The following MATN1 variants were observed in gnomAD, a reference collection of about 807,000 sequenced individuals.
MATN1 encodes matrilin-1.
In MATN1, 34 loss-of-function variants were observed where a neutral mutation model predicts 41.3. The observed-to-expected ratio is 0.82, with a 90% CI of 0.63 to 1.10. MATN1 has a LOEUF of 1.10. Among genes scored for constraint, MATN1 ranks in the 50% least tolerant of loss-of-function variants. The pLI, the probability that MATN1 is intolerant of heterozygous loss-of-function variation, is 0.00. For missense variants in MATN1, 602 were observed against 662.4 expected (o/e 0.91, Z 1.00); for synonymous variants, 264 against 278.7 (o/e 0.95, Z 0.53).
intron 6 of MATN1, 39 bp downstream of exon 6, chr1:30,715,118 C>T (rs1639598537): frequency 6.2e-7 from 1 of 1,608,382 alleles, no homozygotes; most frequent in Non-Finnish European, 8.5e-7. Context: ...CAGTGCCCCA[C>T]CTGCAAATCC....
chr1:30,721,263 C>T, intron 2 of MATN1, 142 bp downstream of exon 2: 1 of 821,738 alleles, frequency 1.2e-6, no homozygotes, highest in East Asian at 2.5e-5. Flanking sequence ...CTAATGACCG[C>T]CCCTCTCTGA....
chr1:30,718,726 C>G lies in MATN1; in HGVS notation c.664+9G>C. The G allele has an allele frequency of 1.3e-6, 2 of 1,569,124 alleles. No individual in the cohort carries two copies. Among genetic ancestry groups the G allele is most frequent in the African/African-American group, 2.8e-5 (2 of 72,626 alleles). ...CCTGCCCTGGCTCCGCCCCCGCCTGCCCGCGCACCGCAGAAGGCCTCCTGG... is the reference window on the plus strand; with the variant it reads ...CCTGCCCTGGCTCCGCCCCCGCCTGGCCGCGCACCGCAGAAGGCCTCCTGG... On this transcript the variant is annotated intron_variant, in intron 3 of 7. Coordinates refer to ENST00000373765, the MANE Select transcript of MATN1 (RefSeq NM_002379.3).
rs749553248 is a variant in MATN1 at position 30,721,539 on chromosome 1, CG to C, written c.306del (p.Ala103HisfsTer17). The C allele has an allele frequency of 1.8e-5, 29 of 1,613,182 alleles. No homozygotes were observed. Among genetic ancestry groups the C allele is most frequent in the Non-Finnish European group, 2.4e-5 (28 of 1,180,056 alleles). ...ATACGGCGCACAGCCTGCAGCAGTG[CG>C]GCCTTGGAGACATGAGCCCGCAGCG... ...EFSLRAHVSKAALLQAVRRIQ... is the reference protein window; with the variant it reads ...EFSLRAHVSKXALLQAVRRIQ... On this transcript the variant is annotated frameshift_variant, in exon 2 of 8. Transcript: ENST00000373765. LOFTEE classifies it high-confidence loss of function.
In MATN1 at chr1:30,715,956, C is replaced by T. The variant is rs1419796411; in HGVS notation, c.1160G>A (p.Arg387Gln). 1.3e-5 allele frequency: 21 copies of T among 1,614,202 alleles called. No homozygotes were observed. In the Middle Eastern group the frequency reaches 6.6e-4, roughly 51 times the overall value. Residue 387 changes from arginine (R) to glutamine (Q), a missense_variant, in exon 5 of 8, where the codon CGG becomes CAG. Physicochemically the swap from Arg to Gln is conservative, Grantham distance 43 (BLOSUM62 1). Transcript: ENST00000373765. ...QKVGIVFTDGRSQDYINDAAK... is the reference protein window; with the variant it reads ...QKVGIVFTDGQSQDYINDAAK... ...AGCATCATTAATGTAGTCCTGGCTC[C>T]GGCCATCAGTGAAGACAATGCCCAC...
intron 6 of MATN1, among the ~76,000 whole-genome samples, chr1:30,714,664 T>C (rs1229931737): frequency 1.3e-5 from 2 of 152,122 alleles, no homozygotes; most frequent in Admixed American, 1.3e-4. Context: ...ATTAATCCCA[T>C]CTTACAGGTG....
chr1:30,721,151 A>G, intron 2 of MATN1: 1 of 513,714 alleles, frequency 1.9e-6, no homozygotes, highest in Non-Finnish European at 3.5e-6. Flanking sequence ...GTCGGGAACC[A>G]AGGTCAACTA....
chr1:30,713,365 T>C lies in MATN1; in HGVS notation c.*217A>G. 1 of 580,398 alleles carries C rather than the reference T, an allele frequency of 1.7e-6. No individual in the cohort carries two copies. Among genetic ancestry groups the C allele is most frequent in the Non-Finnish European group, 3.1e-6 (1 of 319,886 alleles). 36.0% of individuals were successfully genotyped at this position (580,398 alleles called of 1,614,324 possible). A position where few individuals can be genotyped will look rare whatever the true frequency, so the allele number is the denominator to read the frequency against. ...ATTCTGGCAAGACTCATGCCCACCCTCAGGCGCACGTGCACACACACACAC... is the reference window on the plus strand; with the variant it reads ...ATTCTGGCAAGACTCATGCCCACCCCCAGGCGCACGTGCACACACACACAC... On this transcript the variant is annotated 3_prime_UTR_variant, in exon 8 of 8. Transcript: ENST00000373765.
intron 3 of MATN1, among the ~76,000 whole-genome samples, chr1:30,717,681 G>A (rs1419695185): frequency 2.3e-5 from 3 of 131,932 alleles, no homozygotes; most frequent in South Asian, 2.2e-4. Flanking sequence ...AGACGGAGTC[G>A]TCTCGCTCTG....
chr1:30,723,509 G>A lies in MATN1; in HGVS notation c.43C>T (p.Leu15=). 1 of 1,534,758 alleles carries A rather than the reference G, an allele frequency of 6.5e-7. No homozygotes were observed. The highest frequency in any genetic ancestry group is 8.8e-7 in the Non-Finnish European group (1 of 1,140,014). Residue 15 remains leucine, a synonymous_variant, in exon 1 of 8, where the codon CTG becomes TTG. Transcript: ENST00000373765. ...SGTSLMLCSL[L]LLLQALCSPG... ...CTGCACAGGGCCTGGAGCAGCAGCA[G>A]CAGGCTGCAGAGCATGAGGCTAGTG...
intron 3 of MATN1, 71 bp downstream of exon 3, chr1:30,718,664 G>T: frequency 1.9e-6 from 2 of 1,061,666 alleles, no homozygotes; most frequent in African/African-American, 2.1e-5. Flanking sequence ...CCCGCCTCCA[G>T]CCCTGGCCCC....
chr1:30,715,451 A>G (rs1388707472), intron 5 of MATN1, 142 bp from the exon 6 acceptor site: 1 of 722,680 alleles, frequency 1.4e-6, no homozygotes, highest in East Asian at 2.7e-5. Flanking sequence ...TGCCTGGAAC[A>G]AGGACAATGA....
Position 30,712,114 on chromosome 1 carries a change from G to A in MATN1, c.*1468C>T, listed in dbSNP as rs1569822920. On this transcript the variant is annotated 3_prime_UTR_variant, in exon 8 of 8. Coordinates refer to ENST00000373765, the MANE Select transcript of MATN1 (RefSeq NM_002379.3). The stretch of plus-strand genomic sequence containing the variant: ...TCTTTCGGTGTGGTCTGAGCTTCTT[G>A]TAAAAGCCTTTTAGACATGCTCTCA... 6.6e-6 allele frequency: 1 copy of A among 152,258 alleles called. No individual in the cohort carries two copies. The highest frequency in any genetic ancestry group is 6.5e-5 in the Admixed American group (1 of 15,288). 9.4% of individuals were successfully genotyped at this position (152,258 alleles called of 1,614,324 possible).
At chr1:30,715,331 G>A in intron 5 of MATN1, 22 bp from the exon 6 acceptor site, 3 of 1,613,136 alleles carry the variant, frequency 1.9e-6, no homozygotes, top group South Asian at 1.1e-5. Flanking sequence ...AACAGGAGAA[G>A]TAAGGCTGGA....
intron 3 of MATN1, 135 bp downstream of exon 3, chr1:30,718,600 G>GCCCCC: frequency 1.9e-4 from 2 of 10,730 alleles, no homozygotes; most frequent in South Asian, 1.4e-3. Flanking sequence ...CCCCCCCCCC[G>GCCCCC]GCCCCGCCCC....
intron 1 of MATN1, 63 bp from the exon 2 acceptor site, chr1:30,721,814 A>G (rs2124161056): frequency 8.7e-6 from 12 of 1,378,842 alleles, no homozygotes; most frequent in Non-Finnish European, 1.2e-5. Context: ...CTGGGCCTGA[A>G]CACACAGAGT....
At chr1:30,719,087 G>T in intron 2 of MATN1, 130 bp from the exon 3 acceptor site, 1 of 659,942 alleles carries the variant, frequency 1.5e-6, no homozygotes, top group Non-Finnish European at 2.4e-6. Flanking sequence ...GGGGGAAGAG[G>T]ACCCGGCTGG....
chr1:30,721,020 G>A (rs897176358), intron 2 of MATN1: 1 of 203,686 alleles, frequency 4.9e-6, no homozygotes, highest in Non-Finnish European at 1.0e-5. Flanking sequence ...CTTGCTCGGG[G>A]TGGCACAGCT....
rs1057484048 is a variant in MATN1 at position 30,716,242 on chromosome 1, C to T, written c.874G>A (p.Glu292Lys). ...GSKSVRPENF[E>K]LVKKFISQIV... Reference sequence around the variant, plus strand: ...TGACTGATGAACTTCTTCACCAGCTCAAAGTTCTCTGGCCTCACACTCTTG... The same window carrying T: ...TGACTGATGAACTTCTTCACCAGCTTAAAGTTCTCTGGCCTCACACTCTTG... Residue 292 changes from glutamate (E) to lysine (K), a missense_variant, in exon 5 of 8, where the codon GAG becomes AAG. By Grantham distance (56) the Glu-to-Lys change is moderately conservative (BLOSUM62 1). Coordinates refer to ENST00000373765, the MANE Select transcript of MATN1 (RefSeq NM_002379.3). 1 of 1,614,074 alleles carries T rather than the reference C, an allele frequency of 6.2e-7. No homozygotes were observed. The highest frequency in any genetic ancestry group is 8.5e-7 in the Non-Finnish European group (1 of 1,180,054).
chr1:30,719,803 T>G (rs1149042), intron 2 of MATN1: 32,699 of 153,302 alleles, frequency 0.21, 4,900 homozygotes, highest in African/African-American at 0.42. Flanking sequence ...CTGTTTCTGA[T>G]TCCTGGGTCC....
Sources: gnomAD v4.1 joint callset for allele counts (sites outside exome capture counted in the v4.1 genomes callset) on GRCh38, gnomAD v4.1.1 for gene constraint, MANE v1.5 for transcripts, NCBI Gene and HGNC (gene_info 2026-07-23, HGNC 2026-07-21) for gene names.